Variants in STK33 observed in about 807,000 individuals in gnomAD.
The protein encoded by STK33 is serine/threonine kinase 33.
A neutral mutation model predicts 58.0 loss-of-function variants in STK33; 52 were observed. That is an observed-to-expected ratio of 0.90 (90% CI 0.72 to 1.13). The LOEUF (loss-of-function observed/expected upper bound fraction) is 1.13. STK33 is among the 50% of genes most tolerant of loss of function. The probability of loss-of-function intolerance (pLI) is 0.00; values close to 1 mark genes in which losing one functional copy is unlikely to be tolerated. For missense variants in STK33, 630 were observed against 604.2 expected (o/e 1.04, Z -0.45); for synonymous variants, 215 against 200.1 (o/e 1.07, Z -0.63).
chr11:8,448,241 C>G (rs894260459), intron 11 of STK33, among the ~76,000 whole-genome samples: 27 of 152,238 alleles, frequency 1.8e-4, no homozygotes, highest in African/African-American at 3.6e-4. Context: ...CCATCCCCAT[C>G]AAGCTACCAA....
chr11:8,529,467 G>T (rs1954336457), intron 1 of STK33, among the ~76,000 whole-genome samples: 3 of 152,162 alleles, frequency 2.0e-5, no homozygotes, highest in Admixed American at 2.0e-4. Context: ...GCCTGGTCTT[G>T]AGAGATTTAT....
chr11:8,341,159 G>A, the STK33 span, among the ~76,000 whole-genome samples: 1 of 152,318 alleles, frequency 6.6e-6, no homozygotes, highest in East Asian at 1.9e-4. Flanking sequence ...ACCCAGCCAC[G>A]AGGGGCCTGT....
intron 15 of STK33, among the ~76,000 whole-genome samples, chr11:8,399,840 C>A (rs1206559220): frequency 6.6e-6 from 1 of 152,184 alleles, no homozygotes; most frequent in Non-Finnish European, 1.5e-5. Context: ...ACTATAAACA[C>A]CTCTATGCAA....
intron 1 of STK33, among the ~76,000 whole-genome samples, chr11:8,582,599 A>G (rs1207621031): frequency 1.3e-5 from 2 of 152,108 alleles, no homozygotes; most frequent in East Asian, 3.9e-4. Context: ...TGATTCAATT[A>G]CCTCCACCTG....
intron 11 of STK33, among the ~76,000 whole-genome samples, chr11:8,450,867 C>T (rs557818959): frequency 2.0e-5 from 3 of 152,164 alleles, no homozygotes; most frequent in South Asian, 4.1e-4. Flanking sequence ...GAGAAAAATA[C>T]GATTATCTCA....
At chr11:8,457,238 G>A in intron 9 of STK33, 103 bp downstream of exon 9, 2 of 1,002,548 alleles carry the variant, frequency 2.0e-6, no homozygotes, top group Non-Finnish European at 2.7e-6. Context: ...TTCTATATTA[G>A]CAGGTGTTAT....
rs556329496 is a variant in STK33, at chr11:8,560,007, T to C, written c.-466+34076A>G. Among the ~76,000 whole-genome samples the C allele has an allele frequency of 4.1e-4, 63 of 152,234 alleles. 1 individual carries two copies. The highest frequency in any genetic ancestry group is 1.4e-3 in the African/African-American group (59 of 41,562). Reference sequence around the variant, plus strand: ...TTAATGGCTATATAATATTCCAATATATATAAGCATTCTAAATTATTTAAC... The same window carrying C: ...TTAATGGCTATATAATATTCCAATACATATAAGCATTCTAAATTATTTAAC... On this transcript the variant is annotated intron_variant, in intron 1 of 15. Coordinates refer to ENST00000687296, the MANE Select transcript of STK33 (RefSeq NM_001352389.2).
chr11:8,366,625 G>A, the STK33 span, among the ~76,000 whole-genome samples: 1 of 152,298 alleles, frequency 6.6e-6, no homozygotes, highest in East Asian at 1.9e-4. Context: ...AGCAAGGTGG[G>A]GCCTGACCAC....
chr11:8,513,716 G>A (rs1952526699), intron 1 of STK33, among the ~76,000 whole-genome samples: 2 of 151,774 alleles, frequency 1.3e-5, no homozygotes, highest in Admixed American at 1.3e-4. Context: ...TATATTTATG[G>A]GATACATGAG....
chr11:8,556,822 C>T (rs1229915156), intron 1 of STK33, among the ~76,000 whole-genome samples: 4 of 152,096 alleles, frequency 2.6e-5, no homozygotes, highest in African/African-American at 9.7e-5. Context: ...TATTAGGCAC[C>T]TAACAAATAT....
intron 1 of STK33, among the ~76,000 whole-genome samples, chr11:8,572,238 T>TACAC (rs1301840717): frequency 3.3e-5 from 5 of 151,922 alleles, no homozygotes; most frequent in Non-Finnish European, 5.9e-5. Context: ...GGGCAGCAAG[T>TACAC]AGAATTTTCA....
the STK33 span, among the ~76,000 whole-genome samples, chr11:8,345,616 A>G: frequency 6.6e-6 from 1 of 152,202 alleles, no homozygotes; most frequent in Non-Finnish European, 1.5e-5. Context: ...GTGGTTGAGC[A>G]AGGCTCTTTA....
At chr11:8,378,528 A>T in the STK33 span, among the ~76,000 whole-genome samples, 1 of 152,144 alleles carries the variant, frequency 6.6e-6, no homozygotes, top group Admixed American at 6.5e-5. Context: ...CAAAAAACAG[A>T]CAAACAAACA....
At chr11:8,514,148 C>T (rs1323128023) in intron 1 of STK33, among the ~76,000 whole-genome samples, 1 of 152,192 alleles carries the variant, frequency 6.6e-6, no homozygotes, top group East Asian at 1.9e-4. Context: ...ATGACAGGAT[C>T]TCATTCTTCT....
At chr11:8,414,857 T>C (rs1285154311) in intron 14 of STK33, among the ~76,000 whole-genome samples, 2 of 152,146 alleles carry the variant, frequency 1.3e-5, no homozygotes, top group African/African-American at 2.4e-5. Flanking sequence ...TGCCAGTCCA[T>C]AGCAAGAGCC....
chr11:8,467,341 T>C (rs1021375128), intron 6 of STK33: 1 of 153,500 alleles, frequency 6.5e-6, no homozygotes, highest in African/African-American at 2.4e-5. Context: ...CTTTGCTGCT[T>C]AGAAATTTCT....
intron 14 of STK33, among the ~76,000 whole-genome samples, chr11:8,423,083 C>A (rs1942181311): frequency 6.6e-6 from 1 of 151,760 alleles, no homozygotes; most frequent in Non-Finnish European, 1.5e-5. Flanking sequence ...CTCAAGCAAT[C>A]CACCCGCCTT....
the STK33 span, among the ~76,000 whole-genome samples, chr11:8,356,649 G>A: frequency 6.6e-6 from 1 of 152,162 alleles, no homozygotes; most frequent in Non-Finnish European, 1.5e-5. Flanking sequence ...TGCCTGGGAG[G>A]CTCTGGAGAG....
At chr11:8,351,716 C>T in the STK33 span, among the ~76,000 whole-genome samples, 71 of 152,342 alleles carry the variant, frequency 4.7e-4, no homozygotes, top group African/African-American at 1.7e-3. Context: ...CAGGTGCACG[C>T]TTCAGCGCTT....
Sources: allele counts gnomAD v4.1 joint callset (sites outside exome capture counted in the v4.1 genomes callset), GRCh38; gene constraint gnomAD v4.1.1; transcripts MANE v1.5; gene names NCBI Gene and HGNC (gene_info 2026-07-23, HGNC 2026-07-21).